The following CCDC6 variants were observed in gnomAD, a reference collection of about 807,000 sequenced individuals.
The protein encoded by CCDC6 is coiled-coil domain-containing protein 6.
In CCDC6, 20 loss-of-function variants were observed where a neutral mutation model predicts 56.6. That is an observed-to-expected ratio of 0.35 (90% CI 0.25 to 0.51). CCDC6 has a LOEUF of 0.51. Among genes scored for constraint, CCDC6 ranks in the 20% least tolerant of loss-of-function variants. The pLI is 0.95. For synonymous variants in CCDC6, 241 were observed against 234.4 expected (o/e 1.03, Z -0.26); for missense variants, 367 against 601.1 (o/e 0.61, Z 4.07).
intron 6 of CCDC6, chr10:59,804,729 G>A: frequency 2.0e-6 from 1 of 500,840 alleles, no homozygotes; most frequent in South Asian, 2.2e-5. Context: ...GTCACCAGTT[G>A]GGAGACCTAG....
At chr10:59,814,175 C>G (rs927332450) in intron 4 of CCDC6, among the ~76,000 whole-genome samples, 2 of 152,072 alleles carry the variant, frequency 1.3e-5, no homozygotes, top group Admixed American at 1.3e-4. Context: ...AGAATCCTAG[C>G]CTTAAGTATG....
rs192357229 is a variant in CCDC6, at chr10:59,836,272, G to A, written c.454-3619C>T. Among the ~76,000 whole-genome samples, 21 of 152,136 alleles carry A rather than the reference G, an allele frequency of 1.4e-4. No homozygotes were observed. In the East Asian group the frequency reaches 3.5e-3, roughly 25 times the overall value. ...CAGATACCATGTAAATTCAAGCAAC[G>A]TGGCTCCAATAGGGTTTGAACCAAC... On this transcript the variant is annotated intron_variant, in intron 2 of 8. Coordinates refer to ENST00000263102, the MANE Select transcript of CCDC6 (RefSeq NM_005436.5).
At chr10:59,796,948 G>A (rs1168203487) in intron 7 of CCDC6, among the ~76,000 whole-genome samples, 6 of 147,302 alleles carry the variant, frequency 4.1e-5, no homozygotes, top group Non-Finnish European at 7.4e-5. Flanking sequence ...TCCAGCCTGG[G>A]CGACAGAGCC....
chr10:59,874,886 G>A (rs2071265088), intron 1 of CCDC6, among the ~76,000 whole-genome samples: 1 of 152,160 alleles, frequency 6.6e-6, no homozygotes, highest in Non-Finnish European at 1.5e-5. Flanking sequence ...CTGCAGCCCT[G>A]TCACACTCTG....
At chr10:59,825,964 T>C (rs1024664616) in intron 3 of CCDC6, among the ~76,000 whole-genome samples, 1 of 152,204 alleles carries the variant, frequency 6.6e-6, no homozygotes, top group African/African-American at 2.4e-5. Context: ...GCTGCAGCTG[T>C]AGATGATGAG....
chr10:59,825,784 T>A (rs1470845923), intron 3 of CCDC6, among the ~76,000 whole-genome samples: 1 of 152,244 alleles, frequency 6.6e-6, no homozygotes, highest in African/African-American at 2.4e-5. Flanking sequence ...CTTAACTGTT[T>A]TTAACATCTT....
chr10:59,878,828 C>T (rs2071307136), intron 1 of CCDC6, among the ~76,000 whole-genome samples: 1 of 152,012 alleles, frequency 6.6e-6, no homozygotes, highest in African/African-American at 2.4e-5. Flanking sequence ...ATGAAGAGCC[C>T]CCTTTCAGAA....
intron 1 of CCDC6, among the ~76,000 whole-genome samples, chr10:59,893,320 C>T (rs1052100500): frequency 1.9e-5 from 2 of 104,536 alleles, no homozygotes; most frequent in African/African-American, 2.7e-5. Context: ...ACTGAGCAGC[C>T]GGGTATGGTG....
At chr10:59,900,512 G>C (rs1248710500) in intron 1 of CCDC6, among the ~76,000 whole-genome samples, 1 of 152,230 alleles carries the variant, frequency 6.6e-6, no homozygotes, top group Non-Finnish European at 1.5e-5. Flanking sequence ...TGTAAGAGGT[G>C]TGGCTGTGAA....
In CCDC6 at chr10:59,801,664, G is replaced by A. The variant is rs140980513; in HGVS notation, c.1105+2756C>T. Among the ~76,000 whole-genome samples, 613 of 152,260 alleles carry A rather than the reference G, an allele frequency of 4.0e-3. 4 individuals carry two copies. Among genetic ancestry groups the A allele is most frequent in the African/African-American group, 0.014 (593 of 41,548 alleles). Reference sequence around the variant, plus strand: ...GTATATTATCTGGAATTCTCTCCGTGAGGATCTGTGTCTTCTCCCTTGTTT... The same window carrying A: ...GTATATTATCTGGAATTCTCTCCGTAAGGATCTGTGTCTTCTCCCTTGTTT... On this transcript the variant is annotated intron_variant, in intron 7 of 8. Transcript: ENST00000263102.
chr10:59,833,859 C>T (rs2070855995), intron 2 of CCDC6, among the ~76,000 whole-genome samples: 1 of 152,152 alleles, frequency 6.6e-6, no homozygotes, highest in African/African-American at 2.4e-5. Flanking sequence ...TGGTCACTTC[C>T]ATTTTATATG....
intron 1 of CCDC6, among the ~76,000 whole-genome samples, chr10:59,856,494 C>G (rs2132659026): frequency 6.6e-6 from 1 of 152,268 alleles, no homozygotes; most frequent in Middle Eastern, 3.4e-3. Flanking sequence ...CACGCAGTAT[C>G]ATCTCAGTCT....
chr10:59,837,492 C>T (rs1254250766), intron 2 of CCDC6, among the ~76,000 whole-genome samples: 3 of 152,104 alleles, frequency 2.0e-5, no homozygotes, highest in Non-Finnish European at 2.9e-5. Context: ...AGCCTGTAAT[C>T]CCAGCACTTG....
intron 7 of CCDC6, among the ~76,000 whole-genome samples, chr10:59,803,245 G>T (rs933524178): frequency 6.6e-6 from 1 of 151,962 alleles, no homozygotes; most frequent in South Asian, 2.1e-4. Flanking sequence ...CCTGACACCA[G>T]AGAGCACACT....
At chr10:59,833,446 T>C (rs2070850373) in intron 2 of CCDC6, among the ~76,000 whole-genome samples, 1 of 151,820 alleles carries the variant, frequency 6.6e-6, no homozygotes, top group Admixed American at 6.6e-5. Flanking sequence ...CAAAACTCTG[T>C]CTCAAAAAAA....
At chr10:59,835,281 C>T (rs3793878) in intron 2 of CCDC6, among the ~76,000 whole-genome samples, 27,559 of 152,108 alleles carry the variant, frequency 0.18, 3,344 homozygotes, top group African/African-American at 0.34. Flanking sequence ...CACCAAGCAG[C>T]GTTTGTCATA....
At chr10:59,825,288 G>C (rs1024773923) in intron 3 of CCDC6, among the ~76,000 whole-genome samples, 2 of 152,182 alleles carry the variant, frequency 1.3e-5, no homozygotes, top group African/African-American at 4.8e-5. Flanking sequence ...TAAGTCTCAC[G>C]AGATCTGATG....
chr10:59,808,615 A>G (rs2070646565), intron 5 of CCDC6, among the ~76,000 whole-genome samples: 1 of 152,248 alleles, frequency 6.6e-6, no homozygotes, highest in Admixed American at 6.5e-5. Context: ...TTCAGTGGCC[A>G]TGAGCACGTC....
intron 1 of CCDC6, among the ~76,000 whole-genome samples, chr10:59,892,705 A>G (rs890922036): frequency 6.6e-6 from 1 of 152,076 alleles, no homozygotes; most frequent in Non-Finnish European, 1.5e-5. Flanking sequence ...GTGTGTATCA[A>G]TCTCATTTGA....
Sources: gnomAD v4.1 joint callset for allele counts (sites outside exome capture counted in the v4.1 genomes callset) on GRCh38, gnomAD v4.1.1 for gene constraint, MANE v1.5 for transcripts, NCBI Gene and HGNC (gene_info 2026-07-23, HGNC 2026-07-21) for gene names.